Variants in JAKMIP1 observed in about 807,000 individuals in gnomAD.
The protein encoded by JAKMIP1 is janus kinase and microtubule interacting protein 1, also known as janus kinase and microtubule-interacting protein 1.
In JAKMIP1, 33 loss-of-function variants were observed where a neutral mutation model predicts 113.0. That is an observed-to-expected ratio of 0.29 (90% confidence interval 0.22 to 0.39). The LOEUF is 0.39. Among genes scored for constraint, JAKMIP1 ranks in the 10% least tolerant of loss-of-function variants. JAKMIP1 has a pLI of 1.00. For synonymous variants in JAKMIP1, 480 were observed against 459.9 expected (o/e 1.04, Z -0.56); for missense variants, 813 against 1,080.5 (o/e 0.75, Z 3.47).
At chr4:6,087,691 A>C (rs762591917) in intron 3 of JAKMIP1, among the ~76,000 whole-genome samples, 9 of 152,150 alleles carry the variant, frequency 5.9e-5, no homozygotes, top group Non-Finnish European at 1.3e-4. Flanking sequence ...AGAACAAAAA[A>C]CGTGCCAGAG....
In JAKMIP1 at chr4:6,153,979, T is replaced by C. The variant is rs1337320647; in HGVS notation, c.-147-40982A>G. On this transcript the variant is annotated intron_variant, in intron 1 of 20. Coordinates refer to ENST00000409021, the MANE Select transcript of JAKMIP1 (RefSeq NM_001099433.2). The surrounding 1 kb of genome is among the most constrained non-coding windows in gnomAD (Gnocchi z 4.9). Reference sequence around the variant, plus strand: ...ATCCTGCCTCTTACTTGTCACAGAGTCTGCCCAGGTCTTGTATGCGGCAGA... The same window carrying C: ...ATCCTGCCTCTTACTTGTCACAGAGCCTGCCCAGGTCTTGTATGCGGCAGA... Among the ~76,000 whole-genome samples, 3 of 152,052 alleles carry C rather than the reference T, an allele frequency of 2.0e-5. No individual in the cohort carries two copies. Among genetic ancestry groups the C allele is most frequent in the Non-Finnish European group, 2.9e-5 (2 of 68,026 alleles).
intron 1 of JAKMIP1, among the ~76,000 whole-genome samples, chr4:6,163,434 G>A (rs772783927): frequency 6.6e-6 from 1 of 152,128 alleles, no homozygotes; most frequent in Admixed American, 6.5e-5. Context: ...AGAAGTTAAT[G>A]GATAAATCCT....
intron 5 of JAKMIP1, among the ~76,000 whole-genome samples, chr4:6,083,865 A>G (rs781506489): frequency 2.1e-4 from 32 of 152,156 alleles, no homozygotes; most frequent in Non-Finnish European, 4.4e-4. Context: ...TATTCATGAA[A>G]TTTCTATTTT....
intron 1 of JAKMIP1, among the ~76,000 whole-genome samples, chr4:6,191,868 T>C (rs1164265759): frequency 6.6e-6 from 1 of 152,098 alleles, no homozygotes; most frequent in Admixed American, 6.5e-5. Flanking sequence ...TACTAAGATA[T>C]TTTACATTCC....
intron 1 of JAKMIP1, among the ~76,000 whole-genome samples, chr4:6,145,369 C>T (rs1446500964): frequency 6.6e-6 from 1 of 152,174 alleles, no homozygotes; most frequent in Non-Finnish European, 1.5e-5. Flanking sequence ...TTAGTGGAGG[C>T]ACCAAAATTT....
intron 1 of JAKMIP1, among the ~76,000 whole-genome samples, chr4:6,173,126 G>C (rs1724941532): frequency 6.6e-6 from 1 of 152,220 alleles, no homozygotes; most frequent in African/African-American, 2.4e-5. Context: ...ACAGGAAAAA[G>C]TTCAGGAGAT....
chr4:6,067,797 CGCAGG>C lies in JAKMIP1; in HGVS notation c.1303-2794_1303-2790del. The stretch of plus-strand genomic sequence containing the variant: ...ACGTTCACTCAAGCTCTTCTGCACA[CGCAGG>C]TCACCCCCCTGAGCTCCACGTTCAC... On this transcript the variant is annotated intron_variant, in intron 8 of 20. Transcript: ENST00000409021. This position sits in a 1 kb window ranked among gnomAD's most constrained non-coding sequence, Gnocchi z 4.6. Among the ~76,000 whole-genome samples, 1 of 145,760 alleles carries C rather than the reference CGCAGG, an allele frequency of 6.9e-6. No homozygotes were observed. Among genetic ancestry groups the C allele is most frequent in the African/African-American group, 2.6e-5 (1 of 38,524 alleles).
At chr4:6,134,903 C>T (rs1266451700) in intron 1 of JAKMIP1, among the ~76,000 whole-genome samples, 1 of 152,128 alleles carries the variant, frequency 6.6e-6, no homozygotes, top group African/African-American at 2.4e-5. Flanking sequence ...CCAAAACACG[C>T]AGTGTAGATG....
intron 1 of JAKMIP1, among the ~76,000 whole-genome samples, chr4:6,119,342 G>A (rs144017323): frequency 6.6e-6 from 1 of 152,050 alleles, no homozygotes; most frequent in African/African-American, 2.4e-5. Flanking sequence ...TTGGGAGTTC[G>A]AGACTAGCCT....
intron 2 of JAKMIP1, among the ~76,000 whole-genome samples, chr4:6,109,413 A>G (rs189245389): frequency 0.01 from 1,578 of 152,138 alleles, 19 homozygotes; most frequent in African/African-American, 0.032. Context: ...GATTACAGGC[A>G]TGAGCCACTG....
At position 6,176,565 on chromosome 4, in the gene JAKMIP1, G is replaced by T. The variant is rs1368040167; in HGVS notation, c.-148+23688C>A. On this transcript the variant is annotated intron_variant, in intron 1 of 20. Transcript: ENST00000409021. This position sits in a 1 kb window ranked among gnomAD's most constrained non-coding sequence, Gnocchi z 5.5. ...GTACCACATCACCCGGACACACTCA[G>T]AATGGGGCAATGGGGTCAGGGAATT... 6.6e-6 allele frequency among the ~76,000 whole-genome samples: 1 copy of T among 152,192 alleles called. No homozygotes were observed. The highest frequency in any genetic ancestry group is 2.4e-5 in the African/African-American group (1 of 41,430).
intron 1 of JAKMIP1, 23 bp from the exon 2 acceptor site, chr4:6,113,020 GTT>G (rs1271953676): frequency 9.4e-7 from 1 of 1,060,438 alleles, no homozygotes; most frequent in African/African-American, 1.6e-5. Context: ...GGGAAACTGA[GTT>G]AGCAGAGACA....
At position 6,112,711 on chromosome 4, in the gene JAKMIP1, C is replaced by G. The variant is rs1245882839; in HGVS notation, c.129+11G>C. On this transcript the variant is annotated intron_variant, in intron 2 of 20. Transcript: ENST00000409021. ...CAGCCCAGCCGCTGCTGAGCTGACGCCAACCCCCACCTTGCTTTTTTCCTG... is the reference window on the plus strand; with the variant it reads ...CAGCCCAGCCGCTGCTGAGCTGACGGCAACCCCCACCTTGCTTTTTTCCTG... The G allele has an allele frequency of 6.2e-7, 1 of 1,612,836 alleles. No homozygotes were observed. Among genetic ancestry groups the G allele is most frequent in the Non-Finnish European group, 8.5e-7 (1 of 1,179,644 alleles).
chr4:6,105,742 C>A lies in JAKMIP1; in HGVS notation c.355G>T (p.Val119Leu). The change falls in exon 3 of 21, where the codon GTG becomes TTG. Residue 119 changes from valine (V) to leucine (L), a missense_variant. By Grantham distance (32) the Val-to-Leu change is conservative. Around this residue, in one of 2 missense-constraint regions of JAKMIP1, gnomAD observed 540 missense variants for 653.9 expected, o/e 0.83. Coordinates refer to ENST00000409021, the MANE Select transcript of JAKMIP1 (RefSeq NM_001099433.2). ...TTGTCGGCCGCGCCGTCGCGCAGCA[C>A]GTTCAGCGTGGCCTGCAGCCGCTGC... ...ELQRLQATLN[V>L]LRDGAADKVK... 1 of 1,602,304 alleles carries A rather than the reference C, an allele frequency of 6.2e-7. No individual in the cohort carries two copies. The highest frequency in any genetic ancestry group is 8.5e-7 in the Non-Finnish European group (1 of 1,177,828).
rs756994143 is a variant in JAKMIP1 at position 6,158,919 on chromosome 4, T to C, written c.-148+41334A>G. Among the ~76,000 whole-genome samples the C allele has an allele frequency of 6.6e-6, 1 of 151,928 alleles. No homozygotes were observed. Among genetic ancestry groups the C allele is most frequent in the Non-Finnish European group, 1.5e-5 (1 of 67,984 alleles). On this transcript the variant is annotated intron_variant, in intron 1 of 20. Transcript: ENST00000409021. The surrounding 1 kb of genome is among the most constrained non-coding windows in gnomAD (Gnocchi z 5.3). Reference sequence around the variant, plus strand: ...GCCTGACCAACATGGTGAAACCCCATCTCTACAAAAAATACAAAAATTAGC... The same window carrying C: ...GCCTGACCAACATGGTGAAACCCCACCTCTACAAAAAATACAAAAATTAGC...
chr4:6,169,988 C>CCACCACCCTCACCACCACCACATTCCCAT, intron 1 of JAKMIP1, among the ~76,000 whole-genome samples: 1 of 90,470 alleles, frequency 1.1e-5, no homozygotes, highest in East Asian at 2.9e-4. Flanking sequence ...ACTACCACCA[C>CCACCACCCTCACCACCACCACATTCCCAT]CACCACCACC....
At chr4:6,169,078 A>G (rs1451781552) in intron 1 of JAKMIP1, among the ~76,000 whole-genome samples, 1 of 152,228 alleles carries the variant, frequency 6.6e-6, no homozygotes, top group Non-Finnish European at 1.5e-5. Flanking sequence ...CACTGTGAAT[A>G]TATTAAGAAT....
In JAKMIP1 at chr4:6,184,611, C is replaced by T. The variant is rs1039245732; in HGVS notation, c.-148+15642G>A. On this transcript the variant is annotated intron_variant, in intron 1 of 20. Coordinates refer to ENST00000409021, the MANE Select transcript of JAKMIP1 (RefSeq NM_001099433.2). This position sits in a 1 kb window ranked among gnomAD's most constrained non-coding sequence, Gnocchi z 4.5. The stretch of plus-strand genomic sequence containing the variant: ...TGTCTGCACTCTAGGAAACAAGGGT[C>T]CCCCGCGCTCACCTGTAGATTCAGC... 2.6e-5 allele frequency among the ~76,000 whole-genome samples: 4 copies of T among 152,160 alleles called. No homozygotes were observed. Among genetic ancestry groups the T allele is most frequent in the African/African-American group, 7.2e-5 (3 of 41,434 alleles).
chr4:6,062,250 A>G, intron 10 of JAKMIP1, 62 bp downstream of exon 10: 1 of 1,584,786 alleles, frequency 6.3e-7, no homozygotes, highest in Admixed American at 1.7e-5. Context: ...ACACTTCTGG[A>G]AAGGACCTAC....
Sources: gnomAD v4.1 joint callset for allele counts (sites outside exome capture counted in the v4.1 genomes callset) on GRCh38, gnomAD v4.1.1 for gene constraint, gnomAD v4.1.1 regional missense constraint, Gnocchi (gnomAD v3.1) non-coding constraint, MANE v1.5 for transcripts, NCBI Gene and HGNC (gene_info 2026-07-23, HGNC 2026-07-21) for gene names.